The following PFKFB4 variants were observed in gnomAD, a reference collection of about 807,000 sequenced individuals.
The protein encoded by PFKFB4 is 6-phosphofructo-2-kinase/fructose-2,6-biphosphatase 4, also known as 6-phosphofructo-2-kinase/fructose-2,6-bisphosphatase 4.
In PFKFB4, 42 loss-of-function variants were observed where a neutral mutation model predicts 62.8. The observed-to-expected ratio is 0.67, with a 90% confidence interval of 0.52 to 0.86. The LOEUF (loss-of-function observed/expected upper bound fraction) is 0.86. PFKFB4 is among the 40% of genes least tolerant of loss of function. The pLI is 0.00. For missense variants in PFKFB4, 475 were observed against 627.2 expected (o/e 0.76, Z 2.59); for synonymous variants, 204 against 240.7 (o/e 0.85, Z 1.41).
At chr3:48,562,981 G>A (rs1469588115), upstream of PFKFB4, 1 of 1,608,380 alleles carries the variant, frequency 6.2e-7, no homozygotes, top group Admixed American at 1.7e-5. This position sits in a 1 kb window ranked among gnomAD's most constrained non-coding sequence, Gnocchi z 4.3. Flanking sequence ...GAGCAGCTGA[G>A]GGGCTCTCTG....
chr3:48,546,356 G>A (rs1216849339), intron 3 of PFKFB4, among the ~76,000 whole-genome samples: 1 of 150,012 alleles, frequency 6.7e-6, no homozygotes, highest in Non-Finnish European at 1.5e-5. Context: ...GGGTGACCAT[G>A]TGTGTACACA....
chr3:48,562,903 T>A, upstream of PFKFB4: 1 of 1,605,808 alleles, frequency 6.2e-7, no homozygotes, highest in African/African-American at 1.3e-5. The surrounding 1 kb of genome is among the most constrained non-coding windows in gnomAD (Gnocchi z 4.3). Context: ...CATCCAGCGA[T>A]AGGACAATGC....
At chr3:48,559,949 C>G (rs975438911), upstream of PFKFB4, 8 of 204,324 alleles carry the variant, frequency 3.9e-5, no homozygotes, top group Non-Finnish European at 6.8e-5. Context: ...CACACACACA[C>G]AGTCTCGCTC....
At chr3:48,535,818 C>T (rs1348327034) in intron 8 of PFKFB4, among the ~76,000 whole-genome samples, 160 bp from the exon 9 acceptor site, 3 of 152,204 alleles carry the variant, frequency 2.0e-5, no homozygotes, top group African/African-American at 7.2e-5. Context: ...TGCTGACACA[C>T]AAGAACACAA....
chr3:48,539,605 GC>G, intron 5 of PFKFB4, 91 bp downstream of exon 5: 1 of 1,056,646 alleles, frequency 9.5e-7, no homozygotes, highest in Non-Finnish European at 1.5e-6. Flanking sequence ...CCAGCCCCAT[GC>G]CCCTCATGCA....
intron 13 of PFKFB4, among the ~76,000 whole-genome samples, chr3:48,520,522 C>G (rs2042064881): frequency 6.6e-6 from 1 of 152,220 alleles, no homozygotes; most frequent in Non-Finnish European, 1.5e-5. Context: ...ATGACCTGAG[C>G]TGCTGCCCCA....
At position 48,536,437 on chromosome 3, in the gene PFKFB4, T is replaced by C. The variant is rs1449059972; in HGVS notation, c.659A>G (p.Asp220Gly). 1.9e-6 allele frequency: 3 copies of C among 1,613,822 alleles called. No homozygotes were observed. Among genetic ancestry groups the C allele is most frequent in the Non-Finnish European group, 2.5e-6 (3 of 1,179,730 alleles). The change falls in exon 8 of 14, where the codon GAT (aspartate) becomes GGT (glycine). Residue 220 changes from aspartate to glycine, a missense_variant. Coordinates refer to ENST00000232375, the MANE Select transcript of PFKFB4 (RefSeq NM_004567.4). ...GTTCACCACGTAGCTCTGGCCCACA[T>C]CCATGATCTTGATATAGGACAGGTC... ...DRDLSYIKIM[D>G]VGQSYVVNRV...
At chr3:48,534,344 C>T (rs2042523915) in intron 9 of PFKFB4, among the ~76,000 whole-genome samples, 2 of 152,130 alleles carry the variant, frequency 1.3e-5, no homozygotes, top group Admixed American at 6.6e-5. Context: ...CAATTCTTCA[C>T]ATTTTATATT....
rs541772549 is a variant in PFKFB4 at position 48,529,020 on chromosome 3, C to CTTATTTATTTATTTAT, written c.988-3367_988-3352dup. On this transcript the variant is annotated intron_variant, in intron 9 of 13. Transcript: ENST00000232375. ...ACACTAAAAACCACTGAACTGTATA[C>CTTATTTATTTATTTAT]TTATTTATTTATTTATTTATTTATT... Among the ~76,000 whole-genome samples, 196 of 151,678 alleles carry CTTATTTATTTATTTAT rather than the reference C, an allele frequency of 1.3e-3. 1 individual carries two copies. Among genetic ancestry groups the CTTATTTATTTATTTAT allele is most frequent in the African/African-American group, 4.7e-3 (192 of 41,258 alleles).
upstream of PFKFB4, chr3:48,561,108 C>T (rs778447831): frequency 3.1e-6 from 4 of 1,283,780 alleles, no homozygotes; most frequent in Non-Finnish European, 4.1e-6. The surrounding 1 kb of genome is among the most constrained non-coding windows in gnomAD (Gnocchi z 5.2). Context: ...TAACGAGCCT[C>T]TGTCCATCCT....
At chr3:48,545,545 A>G (rs1449910491) in intron 3 of PFKFB4, among the ~76,000 whole-genome samples, 1 of 152,220 alleles carries the variant, frequency 6.6e-6, no homozygotes, top group African/African-American at 2.4e-5. Context: ...TGATCTGAGA[A>G]CCACAAAGAA....
intron 9 of PFKFB4, 50 bp downstream of exon 9, chr3:48,535,462 C>A: frequency 6.7e-7 from 1 of 1,483,020 alleles, no homozygotes. Context: ...TATGATGCAG[C>A]AGCCCTGCGG....
At chr3:48,558,756 T>C (rs2043388529), upstream of PFKFB4, among the ~76,000 whole-genome samples, 2 of 152,158 alleles carry the variant, frequency 1.3e-5, no homozygotes, top group African/African-American at 4.8e-5. Context: ...CGCTTATTCC[T>C]CCACCCCAGT....
chr3:48,563,011 G>A (rs763302786), upstream of PFKFB4: 1 of 1,610,994 alleles, frequency 6.2e-7, no homozygotes, highest in East Asian at 2.2e-5. The surrounding 1 kb of genome is among the most constrained non-coding windows in gnomAD (Gnocchi z 4.5). Context: ...GTCGGGGAGT[G>A]GTCTGGGGAG....
At chr3:48,533,086 T>G (rs907605725) in intron 9 of PFKFB4, among the ~76,000 whole-genome samples, 2 of 152,300 alleles carry the variant, frequency 1.3e-5, no homozygotes, top group Admixed American at 6.5e-5. Context: ...TTGTCCAGGC[T>G]GGAGTGCAAG....
intron 3 of PFKFB4, among the ~76,000 whole-genome samples, chr3:48,547,366 C>A (rs1004629304): frequency 2.0e-5 from 3 of 152,144 alleles, no homozygotes; most frequent in Non-Finnish European, 4.4e-5. Context: ...GAGGTATGCA[C>A]ATGCATGCAT....
chr3:48,520,379 G>T lies in PFKFB4; in HGVS notation c.1351-573C>A, dbSNP rs551271906. Among the ~76,000 whole-genome samples, 3 of 152,296 alleles carry T rather than the reference G, an allele frequency of 2.0e-5. No homozygotes were observed. In the South Asian group the frequency reaches 6.2e-4, roughly 32 times the overall value. ...ATCCTTGGCCTGTCGGGCTCAGGGA[G>T]TCTCAGGCCTGAGGAATAGGGAATC... On this transcript the variant is annotated intron_variant, in intron 13 of 13. Coordinates refer to ENST00000232375, the MANE Select transcript of PFKFB4 (RefSeq NM_004567.4).
intron 9 of PFKFB4, among the ~76,000 whole-genome samples, chr3:48,529,929 G>A (rs1242248462): frequency 1.3e-5 from 2 of 152,086 alleles, no homozygotes; most frequent in East Asian, 3.9e-4. Context: ...GCTCCAGCCT[G>A]GGTGACAGAG....
At chr3:48,546,996 T>C (rs2042984117) in intron 3 of PFKFB4, among the ~76,000 whole-genome samples, 1 of 152,192 alleles carries the variant, frequency 6.6e-6, no homozygotes, top group African/African-American at 2.4e-5. Context: ...AGGCCCCTTT[T>C]TCTGATTTTG....
Sources: gnomAD v4.1 joint callset for allele counts (sites outside exome capture counted in the v4.1 genomes callset) on GRCh38, gnomAD v4.1.1 for gene constraint, Gnocchi (gnomAD v3.1) non-coding constraint, MANE v1.5 for transcripts, NCBI Gene and HGNC (gene_info 2026-07-23, HGNC 2026-07-21) for gene names.